The following USP32 variants were observed in gnomAD, a reference collection of about 807,000 sequenced individuals.
The protein encoded by USP32 is ubiquitin specific peptidase 32, also known as ubiquitin carboxyl-terminal hydrolase 32.
USP32 carries 59 observed loss-of-function variants against 204.8 expected under a neutral mutation model. The observed-to-expected ratio is 0.29, with a 90% CI of 0.23 to 0.36. USP32 has a LOEUF of 0.36. Among genes scored for constraint, USP32 ranks in the 10% least tolerant of loss-of-function variants. USP32 has a pLI of 1.00. For missense variants in USP32, 1,160 were observed against 1,946.4 expected, an observed-to-expected ratio of 0.60 and a Z score of 7.60; for synonymous variants, 517 against 678.4, an observed-to-expected ratio of 0.76 and a Z score of 3.70.
At position 60,177,417 on chromosome 17, in the gene USP32, G is replaced by C. The variant is rs2083993535; in HGVS notation, c.*1838C>G. ...GTGCATTGTCAACAAGTTTTATACAGTAATTTACAAGGTGAATGTAGTTAA... is the reference window on the plus strand; with the variant it reads ...GTGCATTGTCAACAAGTTTTATACACTAATTTACAAGGTGAATGTAGTTAA... On this transcript the variant is annotated 3_prime_UTR_variant, in exon 34 of 34. Transcript: ENST00000300896. Among the ~76,000 whole-genome samples, 1 of 152,168 alleles carries C rather than the reference G, an allele frequency of 6.6e-6. No individual in the cohort carries two copies. The highest frequency in any genetic ancestry group is 1.5e-5 in the Non-Finnish European group (1 of 68,044).
chr17:60,344,707 G>A (rs1279457692), intron 2 of USP32, among the ~76,000 whole-genome samples: 1 of 152,144 alleles, frequency 6.6e-6, no homozygotes, highest in Non-Finnish European at 1.5e-5. Flanking sequence ...CTCCTGCCTC[G>A]ATCTCCCAAA....
At chr17:60,386,142 A>G (rs982568088) in intron 1 of USP32, among the ~76,000 whole-genome samples, 2 of 152,112 alleles carry the variant, frequency 1.3e-5, no homozygotes, top group Non-Finnish European at 2.9e-5. Flanking sequence ...AACTTCCAAG[A>G]GTTCTTTATT....
At chr17:60,329,576 T>C (rs1233925259) in intron 2 of USP32, among the ~76,000 whole-genome samples, 2 of 152,098 alleles carry the variant, frequency 1.3e-5, no homozygotes, top group Non-Finnish European at 2.9e-5. Context: ...CCCAAAGTGC[T>C]AGGATACAGG....
At chr17:60,377,947 A>G (rs1224070584) in intron 1 of USP32, among the ~76,000 whole-genome samples, 1 of 152,200 alleles carries the variant, frequency 6.6e-6, no homozygotes, top group Non-Finnish European at 1.5e-5. Context: ...TTGGGCATTA[A>G]AAGATCCTAT....
rs549697017 is a variant in USP32 at position 60,208,760 on chromosome 17, A to G, written c.2667T>C (p.Ser889=). The G allele has an allele frequency of 6.2e-7, 1 of 1,609,112 alleles. No homozygotes were observed. The highest frequency in any genetic ancestry group is 2.2e-5 in the East Asian group (1 of 44,740). ...GCCCACATGTCTTGCATTTTACTTG[A>G]GATCTTAGCTGCCCATGGAACAAAT... is the stretch of plus-strand genomic sequence containing the variant. ...VVDLFHGQLR[S]QVKCKTCGHI... The change falls in exon 23 of 34, where the codon TCT becomes TCC. Residue 889 remains serine (S), a synonymous_variant. Coordinates refer to ENST00000300896, the MANE Select transcript of USP32 (RefSeq NM_032582.4).
chr17:60,210,805 C>A (rs1459141509), intron 21 of USP32, among the ~76,000 whole-genome samples: 1 of 152,258 alleles, frequency 6.6e-6, no homozygotes, highest in Non-Finnish European at 1.5e-5. Flanking sequence ...TTAGAGTGTA[C>A]CTTTGGTCTT....
Position 60,181,503 on chromosome 17 carries a change from C to T in USP32, c.4369G>A (p.Glu1457Lys). The T allele has an allele frequency of 2.5e-6, 4 of 1,614,016 alleles. No individual in the cohort carries two copies. The highest frequency in any genetic ancestry group is 3.4e-6 in the Non-Finnish European group (4 of 1,179,872). The change falls in exon 32 of 34, where the codon GAG becomes AAG. Residue 1457 changes from glutamate to lysine, a missense_variant. By Grantham distance (56) the Glu-to-Lys change is moderately conservative. Around this residue, in one of 8 missense-constraint regions of USP32, gnomAD observed 244 missense variants for 342.3 expected, o/e 0.71. Coordinates refer to ENST00000300896, the MANE Select transcript of USP32 (RefSeq NM_032582.4). ...RGHVLGGSQPELVTPQDHEVA... is the reference protein window; with the variant it reads ...RGHVLGGSQPKLVTPQDHEVA... The stretch of plus-strand genomic sequence containing the variant: ...TCATGGTCCTGAGGAGTGACCAACT[C>T]TGGTTGGCTGCCCCCCAGCACATGC...
chr17:60,181,871 G>A (rs2084121423), intron 31 of USP32, 123 bp from the exon 32 acceptor site: 1 of 1,410,664 alleles, frequency 7.1e-7, no homozygotes, highest in Non-Finnish European at 9.5e-7. Flanking sequence ...GGGCAGTCGT[G>A]ACTGGCTACT....
chr17:60,329,886 G>A (rs1213347046), intron 2 of USP32, among the ~76,000 whole-genome samples: 3 of 152,042 alleles, frequency 2.0e-5, no homozygotes, highest in Admixed American at 6.5e-5. Flanking sequence ...TGTCTATTTA[G>A]GTCTATTTAA....
chr17:60,382,132 G>A (rs191389363), intron 1 of USP32, among the ~76,000 whole-genome samples: 4 of 152,310 alleles, frequency 2.6e-5, no homozygotes, highest in East Asian at 1.9e-4. Context: ...TAAGCTCACC[G>A]GCAAACTGCC....
exon 1 of USP32, chr17:60,422,404 C>T (rs906327876): frequency 7.0e-7 from 1 of 1,428,424 alleles, no homozygotes; most frequent in African/African-American, 1.4e-5. Flanking sequence ...CTGCAGCCAC[C>T]CCTAAGAATG....
chr17:60,389,925 G>A (rs975467348), intron 1 of USP32, among the ~76,000 whole-genome samples: 3 of 152,122 alleles, frequency 2.0e-5, no homozygotes, highest in Admixed American at 2.0e-4. Flanking sequence ...GCTGAGGCAG[G>A]AGAATGGCGT....
Position 60,391,996 on chromosome 17 carries a change from C to T in USP32, c.-57G>A. ...GCCTGATCTCGCCCCCACCCCCCTC[C>T]CGCCTTCTCCTCGGCGTCCCTGGGT... is the stretch of plus-strand genomic sequence containing the variant. On this transcript the variant is annotated 5_prime_UTR_variant, in exon 1 of 34. Coordinates refer to ENST00000300896, the MANE Select transcript of USP32 (RefSeq NM_032582.4). 9 of 1,563,312 alleles carry T rather than the reference C, an allele frequency of 5.8e-6. No homozygotes were observed. The highest frequency in any genetic ancestry group is 7.8e-6 in the Non-Finnish European group (9 of 1,151,498).
chr17:60,413,435 T>C (rs1598324244), intron 1 of USP32, among the ~76,000 whole-genome samples: 2 of 152,180 alleles, frequency 1.3e-5, no homozygotes, highest in African/African-American at 4.8e-5. Context: ...TGTGCTAGGC[T>C]AAGTCATAAA....
chr17:60,293,814 G>T (rs1327913224), intron 4 of USP32, among the ~76,000 whole-genome samples: 3 of 152,142 alleles, frequency 2.0e-5, no homozygotes, highest in African/African-American at 2.4e-5. Context: ...TCATACTGGT[G>T]AAATGGAATT....
chr17:60,384,490 T>C (rs1055731438), intron 1 of USP32, among the ~76,000 whole-genome samples: 3 of 152,200 alleles, frequency 2.0e-5, no homozygotes, highest in African/African-American at 7.2e-5. Context: ...ATTCACAAGA[T>C]AGTGATGAGC....
chr17:60,249,406 G>T, intron 11 of USP32: 1 of 266,636 alleles, frequency 3.8e-6, no homozygotes. Context: ...GCTTGCTAAG[G>T]CTCACTATGG....
At chr17:60,409,087 C>T (rs1014866954) in intron 1 of USP32, among the ~76,000 whole-genome samples, 5 of 152,218 alleles carry the variant, frequency 3.3e-5, no homozygotes, top group Admixed American at 1.3e-4. Context: ...GTGGCTCATG[C>T]CTGTAATCCC....
chr17:60,218,112 C>T (rs2468994), intron 16 of USP32, among the ~76,000 whole-genome samples: 4 of 152,302 alleles, frequency 2.6e-5, no homozygotes, highest in South Asian at 2.1e-4. Flanking sequence ...GCTATAATTA[C>T]TACGAAACAC....
Sources: allele counts gnomAD v4.1 joint callset (sites outside exome capture counted in the v4.1 genomes callset), GRCh38; gene constraint gnomAD v4.1.1; regional missense constraint gnomAD v4.1.1; transcripts MANE v1.5; gene names NCBI Gene and HGNC (gene_info 2026-07-23, HGNC 2026-07-21).